The following PGM1 variants were observed in gnomAD, a reference collection of about 807,000 sequenced individuals.
The protein encoded by PGM1 is phosphoglucomutase-1.
PGM1 carries 52 observed loss-of-function variants against 55.6 expected under a neutral mutation model. The ratio of observed to expected loss-of-function variants is 0.94; its 90% confidence interval spans 0.75 to 1.18. The LOEUF (loss-of-function observed/expected upper bound fraction) is 1.18. Ranked by LOEUF, PGM1 falls within the 50% of genes most tolerant of loss-of-function variation. PGM1 has a pLI of 0.00. For synonymous variants in PGM1, 287 were observed against 271.7 expected (o/e 1.06, Z -0.55); for missense variants, 724 against 729.3 (o/e 0.99, Z 0.08).
chr1:63,641,560 G>A (rs1159011951), intron 7 of PGM1, among the ~76,000 whole-genome samples: 2 of 152,168 alleles, frequency 1.3e-5, no homozygotes, highest in Admixed American at 1.3e-4. Flanking sequence ...GCTTAATTGA[G>A]CACAGAGTGC....
intron 7 of PGM1, among the ~76,000 whole-genome samples, chr1:63,641,759 T>C (rs958802478): frequency 1.3e-5 from 2 of 152,192 alleles, no homozygotes; most frequent in Admixed American, 1.3e-4. Flanking sequence ...GTTGGCTGTA[T>C]ATGCCATGAG....
chr1:63,625,841 C>T (rs1000556480), intron 1 of PGM1, among the ~76,000 whole-genome samples: 10 of 152,170 alleles, frequency 6.6e-5, no homozygotes, highest in South Asian at 2.1e-4. Flanking sequence ...AAGATATTGA[C>T]GGGCCCCTTT....
At chr1:63,648,380 T>C in intron 7 of PGM1, 137 bp from the exon 8 acceptor site, 1 of 889,982 alleles carries the variant, frequency 1.1e-6, no homozygotes, top group African/African-American at 1.7e-5. Flanking sequence ...TTGTCCCCCA[T>C]GATCCAATCA....
At chr1:63,625,906 A>G (rs1649003116) in intron 1 of PGM1, among the ~76,000 whole-genome samples, 1 of 152,230 alleles carries the variant, frequency 6.6e-6, no homozygotes, top group African/African-American at 2.4e-5. Context: ...AGGTAAGTTT[A>G]GAGGTAAGAG....
intron 1 of PGM1, among the ~76,000 whole-genome samples, chr1:63,606,765 A>G (rs139030419): frequency 6.6e-6 from 1 of 152,342 alleles, no homozygotes; most frequent in Non-Finnish European, 1.5e-5. Flanking sequence ...AATAGTTTAT[A>G]CTGTCCTAAG....
intron 1 of PGM1, among the ~76,000 whole-genome samples, chr1:63,594,788 C>CAAAAAAAAAAAA (rs34661751): frequency 7.7e-5 from 7 of 90,498 alleles, no homozygotes; most frequent in Middle Eastern, 7.0e-3. Context: ...CTAAAAAATA[C>CAAAAAAAAAAAA]AAAAAAAAAA....
intron 1 of PGM1, among the ~76,000 whole-genome samples, chr1:63,601,091 A>C (rs1164918843): frequency 6.6e-6 from 1 of 152,226 alleles, no homozygotes; most frequent in African/African-American, 2.4e-5. Flanking sequence ...GACAGGAGGC[A>C]GTTAGACTTG....
intron 1 of PGM1, among the ~76,000 whole-genome samples, chr1:63,599,333 T>G (rs1442814984): frequency 6.6e-6 from 1 of 152,034 alleles, no homozygotes; most frequent in Non-Finnish European, 1.5e-5. Context: ...ACCCAGCTAA[T>G]TTTTGTATTT....
chr1:63,614,733 C>G (rs1246310149), intron 1 of PGM1, among the ~76,000 whole-genome samples: 3 of 151,910 alleles, frequency 2.0e-5, no homozygotes, highest in African/African-American at 4.9e-5. Context: ...TCTACCTGAC[C>G]TCGGACAGAT....
intron 1 of PGM1, among the ~76,000 whole-genome samples, chr1:63,624,975 T>G (rs149079650): frequency 6.7e-4 from 102 of 152,366 alleles, no homozygotes; most frequent in Non-Finnish European, 6.8e-4. Flanking sequence ...TACACATTTT[T>G]AAGATAAAAT....
chr1:63,648,491 A>T (rs768702026), intron 7 of PGM1, 26 bp from the exon 8 acceptor site: 1 of 1,613,930 alleles, frequency 6.2e-7, no homozygotes. Flanking sequence ...CACGTTTCTT[A>T]CAGCAGCTTG....
chr1:63,655,119 C>T (rs1390575561), intron 10 of PGM1, among the ~76,000 whole-genome samples: 1 of 151,966 alleles, frequency 6.6e-6, no homozygotes, highest in Non-Finnish European at 1.5e-5. Context: ...CAGGCACGTG[C>T]CACCATGCTC....
chr1:63,619,676 G>C (rs1430184048), intron 1 of PGM1, among the ~76,000 whole-genome samples: 1 of 152,112 alleles, frequency 6.6e-6, no homozygotes, highest in Non-Finnish European at 1.5e-5. Context: ...GGTTCACAAG[G>C]CTCCATAGAC....
In PGM1 at chr1:63,609,492, T is replaced by G. The variant is rs150381296; in HGVS notation, c.246+15758T>G. Reference sequence around the variant, plus strand: ...TCATGCTGGTGGGGGAGACAGGCACTCCATGGGTAGTTACAACAGGGTGCG... The same window carrying G: ...TCATGCTGGTGGGGGAGACAGGCACGCCATGGGTAGTTACAACAGGGTGCG... On this transcript the variant is annotated intron_variant, in intron 1 of 10. Transcript: ENST00000371084. 8.1e-4 allele frequency among the ~76,000 whole-genome samples: 123 copies of G among 152,288 alleles called. 1 individual carries two copies. In the Middle Eastern group the frequency reaches 0.017, roughly 21 times the overall value.
At chr1:63,648,696 G>T in intron 8 of PGM1, 44 bp downstream of exon 8, 1 of 1,608,582 alleles carries the variant, frequency 6.2e-7, no homozygotes, top group Non-Finnish European at 8.5e-7. Flanking sequence ...GTGGGGAAGT[G>T]GGCAGAGAGA....
At chr1:63,627,445 G>A (rs1395841412) in intron 1 of PGM1, among the ~76,000 whole-genome samples, 1 of 152,108 alleles carries the variant, frequency 6.6e-6, no homozygotes, top group Non-Finnish European at 1.5e-5. Flanking sequence ...CATCTTTAAG[G>A]GAAGGAGGGT....
chr1:63,656,209 A>G (rs1441230690), intron 10 of PGM1, among the ~76,000 whole-genome samples: 1 of 152,212 alleles, frequency 6.6e-6, no homozygotes, highest in East Asian at 1.9e-4. Flanking sequence ...CAGGGAAATG[A>G]AAATCAAAAC....
chr1:63,629,829 C>T (rs947344149), intron 2 of PGM1, 113 bp from the exon 3 acceptor site: 2 of 1,289,882 alleles, frequency 1.6e-6, no homozygotes, highest in African/African-American at 2.9e-5. Flanking sequence ...ACTTTGCTGA[C>T]TGAATGATGA....
chr1:63,629,583 T>C lies in PGM1; in HGVS notation c.405T>C (p.Asn135=), dbSNP rs1225142927. The C allele has an allele frequency of 1.2e-6, 2 of 1,613,646 alleles. No individual in the cohort carries two copies. Among genetic ancestry groups the C allele is most frequent in the Non-Finnish European group, 8.5e-7 (1 of 1,179,636 alleles). The change falls in exon 2 of 11, where the codon AAT becomes AAC. Residue 135 remains asparagine, a synonymous_variant. Transcript: ENST00000371084. ...TTGGAATCAAATTCAATATTTCTAA[T>C]GGAGGTGAGTTTGCTGTCATTTTGA... The part of the protein sequence containing the change: ...GDFGIKFNIS[N]GGPAPEAITD...
Sources: allele counts gnomAD v4.1 joint callset (sites outside exome capture counted in the v4.1 genomes callset), GRCh38; gene constraint gnomAD v4.1.1; transcripts MANE v1.5; gene names NCBI Gene and HGNC (gene_info 2026-07-23, HGNC 2026-07-21).